TLE4: variants seen among roughly 807,000 people sequenced by gnomAD.
TLE4 encodes transducin-like enhancer protein 4.
A neutral mutation model predicts 92.8 loss-of-function variants in TLE4; 8 were observed. The observed-to-expected ratio is 0.09, with a 90% CI of 0.05 to 0.16. The LOEUF is 0.16. Ranked by LOEUF, TLE4 falls within the 10% of genes least tolerant of loss-of-function variation. TLE4 has a pLI of 1.00. For missense variants in TLE4, 675 were observed against 997.6 expected, an observed-to-expected ratio of 0.68 and a Z score of 4.36; for synonymous variants, 371 against 374.1, an observed-to-expected ratio of 0.99 and a Z score of 0.10.
intron 8 of TLE4, among the ~76,000 whole-genome samples, chr9:79,656,435 C>G (rs1292009099): frequency 6.6e-6 from 1 of 152,106 alleles, no homozygotes; most frequent in Non-Finnish European, 1.5e-5. Context: ...TTTAATTTTT[C>G]CCTTTCCTCT....
rs71364488 is a variant in TLE4 at position 79,720,377 on chromosome 9, G to GGTGTGT, written c.1838+127_1838+132dup. The GGTGTGT allele has an allele frequency of 7.9e-5, 25 of 316,556 alleles. No homozygotes were observed. In the East Asian group the frequency reaches 1.1e-3, roughly 14 times the overall value. 19.6% of individuals were successfully genotyped at this position (316,556 alleles called of 1,614,324 possible). ...CCAAAGTGCTGTGTATATAGGTATG[G>GGTGTGT]GTGTGTGTGTGTGTGTGTGTGTGTG... On this transcript the variant is annotated intron_variant, in intron 16 of 19. Coordinates refer to ENST00000376552, the MANE Select transcript of TLE4 (RefSeq NM_007005.6).
chr9:79,666,524 C>T (rs1454786523), intron 8 of TLE4, among the ~76,000 whole-genome samples: 2 of 152,196 alleles, frequency 1.3e-5, no homozygotes, highest in African/African-American at 4.8e-5. Flanking sequence ...CAGGCGTGAG[C>T]CATCACGCCC....
chr9:79,577,518 G>A (rs1221162574), intron 4 of TLE4, among the ~76,000 whole-genome samples: 1 of 152,154 alleles, frequency 6.6e-6, no homozygotes, highest in African/African-American at 2.4e-5. Flanking sequence ...GTTTAGATTA[G>A]TAATGTAAAT....
intron 8 of TLE4, among the ~76,000 whole-genome samples, chr9:79,701,729 A>C (rs2069950148): frequency 6.6e-6 from 1 of 152,200 alleles, no homozygotes; most frequent in Non-Finnish European, 1.5e-5. Context: ...CATCCTAGTG[A>C]TGCTCAGAAA....
intron 5 of TLE4, among the ~76,000 whole-genome samples, chr9:79,619,364 A>G (rs2050404188): frequency 6.6e-6 from 1 of 152,148 alleles, no homozygotes; most frequent in Non-Finnish European, 1.5e-5. Context: ...TTGGAGCCAC[A>G]TTTTGCATGT....
chr9:79,683,261 G>T, intron 8 of TLE4, among the ~76,000 whole-genome samples: 1 of 152,086 alleles, frequency 6.6e-6, no homozygotes, highest in East Asian at 1.9e-4. Flanking sequence ...TCAAGAGTTG[G>T]CTGACTCTGT....
chr9:79,629,505 A>G (rs924760931), intron 6 of TLE4, among the ~76,000 whole-genome samples: 1 of 152,210 alleles, frequency 6.6e-6, no homozygotes, highest in African/African-American at 2.4e-5. Flanking sequence ...TTATTAAAAT[A>G]AAGCTAACTT....
At chr9:79,644,433 C>T (rs147918114) in intron 6 of TLE4, among the ~76,000 whole-genome samples, 1 of 152,170 alleles carries the variant, frequency 6.6e-6, no homozygotes, top group African/African-American at 2.4e-5. Flanking sequence ...TCATGTCATA[C>T]AATTCTTCCA....
intron 3 of TLE4, among the ~76,000 whole-genome samples, chr9:79,575,203 A>G (rs1057511882): frequency 6.6e-6 from 1 of 152,208 alleles, no homozygotes; most frequent in Non-Finnish European, 1.5e-5. Context: ...AAAAAAAATA[A>G]AAACAAAACC....
At chr9:79,674,302 C>T (rs1056775413) in intron 8 of TLE4, among the ~76,000 whole-genome samples, 4 of 150,200 alleles carry the variant, frequency 2.7e-5, no homozygotes, top group African/African-American at 7.5e-5. Flanking sequence ...CTATTATCTC[C>T]GTGTTGCAGA....
intron 8 of TLE4, among the ~76,000 whole-genome samples, chr9:79,682,398 C>G (rs1011389807): frequency 4.6e-5 from 7 of 152,156 alleles, no homozygotes; most frequent in Admixed American, 1.3e-4. Context: ...ATCTGGCCCT[C>G]AAGGATTTCC....
At chr9:79,713,851 TTTGTTGTTGTTG>T (rs146268539) in intron 14 of TLE4, among the ~76,000 whole-genome samples, 2 of 150,252 alleles carry the variant, frequency 1.3e-5, no homozygotes, top group East Asian at 2.0e-4. Flanking sequence ...ATTGTTGTTG[TTTGTTGTTGTTG>T]TTGTTGTTGT....
At chr9:79,722,382 A>T in intron 17 of TLE4, 69 bp from the exon 18 acceptor site, 1 of 1,550,270 alleles carries the variant, frequency 6.5e-7, no homozygotes, top group South Asian at 1.2e-5. Context: ...TACAGAAGAG[A>T]TAGTACCTCC....
intron 8 of TLE4, among the ~76,000 whole-genome samples, chr9:79,699,504 A>G (rs1221672215): frequency 1.3e-5 from 2 of 152,188 alleles, no homozygotes; most frequent in Non-Finnish European, 2.9e-5. Flanking sequence ...AGGACTTGCA[A>G]TTACCCTTGA....
At chr9:79,573,633 TCTCCCTGCTTCGC>T (rs1217008690) in intron 1 of TLE4, 43 bp from the exon 2 acceptor site, 1 of 1,424,722 alleles carries the variant, frequency 7.0e-7, no homozygotes, top group East Asian at 2.4e-5. Flanking sequence ...GTTTTCTCCG[TCTCCCTGCTTCGC>T]CTGTGATGTG....
chr9:79,670,723 A>G (rs2062165077), intron 8 of TLE4, among the ~76,000 whole-genome samples: 1 of 152,170 alleles, frequency 6.6e-6, no homozygotes. Context: ...TAGCAATACC[A>G]GCTAGACACT....
intron 8 of TLE4, among the ~76,000 whole-genome samples, chr9:79,654,775 A>G (rs1234339156): frequency 6.6e-6 from 1 of 152,172 alleles, no homozygotes; most frequent in Non-Finnish European, 1.5e-5. Context: ...AAACAAGAAA[A>G]ATAGGCTGCC....
intron 7 of TLE4, 180 bp downstream of exon 7, chr9:79,652,974 G>T: frequency 1.3e-6 from 1 of 781,480 alleles, no homozygotes; most frequent in Admixed American, 1.8e-5. Flanking sequence ...TCTAGTGGTT[G>T]GCAAGAGCTA....
At chr9:79,612,506 G>A (rs1641270929) in intron 4 of TLE4, 150 bp from the exon 5 acceptor site, 3 of 661,304 alleles carry the variant, frequency 4.5e-6, no homozygotes, top group African/African-American at 1.8e-5. Flanking sequence ...TCCTTTTAAT[G>A]GGCTTACTGA....
Sources: gnomAD v4.1 joint callset for allele counts (sites outside exome capture counted in the v4.1 genomes callset) on GRCh38, gnomAD v4.1.1 for gene constraint, MANE v1.5 for transcripts, NCBI Gene and HGNC (gene_info 2026-07-23, HGNC 2026-07-21) for gene names.